The following CIMIP4 variants were observed in gnomAD, a reference collection of about 807,000 sequenced individuals.
CIMIP4 encodes protein EAN57.
the CIMIP4 span, among the ~76,000 whole-genome samples, chr22:36,996,484 G>T: frequency 1.5e-4 from 21 of 142,426 alleles, no homozygotes; most frequent in Non-Finnish European, 2.6e-4. Context: ...AAACCTGCAT[G>T]ATGTTTATAG....
the CIMIP4 span, chr22:37,001,861 C>T: frequency 6.9e-6 from 11 of 1,601,920 alleles, no homozygotes; most frequent in Non-Finnish European, 8.5e-6. Context: ...CCAGCTGGTC[C>T]ACCACATTGC....
At chr22:37,002,676 G>A in the CIMIP4 span, among the ~76,000 whole-genome samples, 5 of 152,168 alleles carry the variant, frequency 3.3e-5, no homozygotes, top group African/African-American at 9.7e-5. Flanking sequence ...GCTCCATTTG[G>A]ATAGTTCCCT....
chr22:36,991,537 A>G, the CIMIP4 span: 40 of 1,614,040 alleles, frequency 2.5e-5, no homozygotes, highest in African/African-American at 4.0e-5. Context: ...TGATTTCTCA[A>G]TGACCTCTGG....
At chr22:37,006,074 C>G in the CIMIP4 span, among the ~76,000 whole-genome samples, 1 of 152,126 alleles carries the variant, frequency 6.6e-6, no homozygotes, top group African/African-American at 2.4e-5. Flanking sequence ...CATAGGACCT[C>G]TAGGAAGCTT....
chr22:37,000,907 G>A, the CIMIP4 span, among the ~76,000 whole-genome samples: 1 of 152,168 alleles, frequency 6.6e-6, no homozygotes, highest in Non-Finnish European at 1.5e-5. Flanking sequence ...TAAGATGACA[G>A]AGTGGAAGGG....
At chr22:37,005,808 T>C in the CIMIP4 span, among the ~76,000 whole-genome samples, 1 of 152,140 alleles carries the variant, frequency 6.6e-6, no homozygotes, top group African/African-American at 2.4e-5. Flanking sequence ...AGGAAGGTGA[T>C]GAATTGAAGA....
At chr22:37,006,869 A>C in the CIMIP4 span, among the ~76,000 whole-genome samples, 1 of 151,892 alleles carries the variant, frequency 6.6e-6, no homozygotes, top group Non-Finnish European at 1.5e-5. Context: ...AAGAGACTAC[A>C]ACTTCTGTCT....
At chr22:36,993,748 G>A in the CIMIP4 span, among the ~76,000 whole-genome samples, 1 of 150,862 alleles carries the variant, frequency 6.6e-6, no homozygotes, top group Admixed American at 6.6e-5. Context: ...GAAAAGAAAA[G>A]AAAAGAAAAA....
At chr22:36,991,270 C>A in the CIMIP4 span, 1 of 1,613,994 alleles carries the variant, frequency 6.2e-7, no homozygotes, top group Non-Finnish European at 8.5e-7. Flanking sequence ...TTTCTGGTGC[C>A]ACCGCCCTAC....
At chr22:37,000,488 G>T in the CIMIP4 span, among the ~76,000 whole-genome samples, 2 of 152,310 alleles carry the variant, frequency 1.3e-5, no homozygotes, top group Middle Eastern at 3.4e-3. Flanking sequence ...CAGAGAAGCT[G>T]AGCCCAGGTC....
the CIMIP4 span, chr22:37,003,863 C>T: frequency 1.1e-5 from 14 of 1,278,944 alleles, no homozygotes; most frequent in Non-Finnish European, 1.3e-5. Context: ...GAGGCCAACA[C>T]AAGACGGAGC....
the CIMIP4 span, chr22:36,991,548 T>C: frequency 6.8e-6 from 11 of 1,614,120 alleles, no homozygotes; most frequent in East Asian, 2.5e-4. Context: ...TGACCTCTGG[T>C]GTGTAAGAAG....
chr22:36,999,909 C>T, the CIMIP4 span: 1 of 1,614,026 alleles, frequency 6.2e-7, no homozygotes, highest in South Asian at 1.1e-5. Flanking sequence ...GAGATTTCCA[C>T]AGGATTCTGG....
the CIMIP4 span, among the ~76,000 whole-genome samples, chr22:37,006,682 G>A: frequency 1.2e-3 from 180 of 152,304 alleles, 4 homozygotes; most frequent in East Asian, 0.032. Context: ...ACTATATTTT[G>A]CATGTGGAAG....
chr22:37,004,520 T>C, the CIMIP4 span, among the ~76,000 whole-genome samples: 2 of 152,076 alleles, frequency 1.3e-5, no homozygotes, highest in South Asian at 2.1e-4. Context: ...TCGTTCGTGC[T>C]CAGGGAAGGG....
chr22:36,998,686 G>A, the CIMIP4 span, among the ~76,000 whole-genome samples: 1 of 152,150 alleles, frequency 6.6e-6, no homozygotes, highest in Non-Finnish European at 1.5e-5. Flanking sequence ...CAAATGATCT[G>A]AAATCTGCCC....
chr22:37,001,185 C>T, the CIMIP4 span, among the ~76,000 whole-genome samples: 58 of 151,680 alleles, frequency 3.8e-4, no homozygotes, highest in Non-Finnish European at 4.9e-4. Context: ...AATGCTATAT[C>T]GGGTGGAAAA....
chr22:36,992,393 C>A, the CIMIP4 span, among the ~76,000 whole-genome samples: 2 of 151,894 alleles, frequency 1.3e-5, no homozygotes, highest in Non-Finnish European at 2.9e-5. Context: ...ATGATTGAAA[C>A]CATAAGAGAG....
chr22:36,991,680 G>A, the CIMIP4 span: 5 of 1,094,762 alleles, frequency 4.6e-6, no homozygotes, highest in Middle Eastern at 2.0e-4. Context: ...TTTCCTCTAC[G>A]GATGGTAAAT....
Sources: allele counts gnomAD v4.1 joint callset (sites outside exome capture counted in the v4.1 genomes callset), GRCh38; gene constraint gnomAD v4.1.1; transcripts MANE v1.5; gene names NCBI Gene and HGNC (gene_info 2026-07-23, HGNC 2026-07-21).